PTPRM: variants seen among roughly 807,000 people sequenced by gnomAD.
The protein encoded by PTPRM is receptor-type tyrosine-protein phosphatase mu.
PTPRM carries 47 observed loss-of-function variants against 186.7 expected under a neutral mutation model. The observed-to-expected ratio is 0.25, with a 90% CI of 0.20 to 0.32. The LOEUF (loss-of-function observed/expected upper bound fraction) is 0.32. PTPRM is among the 10% of genes least tolerant of loss of function. PTPRM has a pLI of 1.00. For missense variants in PTPRM, 1,494 were observed against 1,865.0 expected, an observed-to-expected ratio of 0.80 and a Z score of 3.66; for synonymous variants, 668 against 674.9, an observed-to-expected ratio of 0.99 and a Z score of 0.16.
At chr18:8,242,027 G>A (rs1050468395) in intron 14 of PTPRM, among the ~76,000 whole-genome samples, 4 of 152,064 alleles carry the variant, frequency 2.6e-5, no homozygotes, top group African/African-American at 9.7e-5. Context: ...TCCAGTACAA[G>A]CATAGCTTTT....
At chr18:8,303,406 G>T (rs555872660) in intron 20 of PTPRM, among the ~76,000 whole-genome samples, 4 of 152,244 alleles carry the variant, frequency 2.6e-5, no homozygotes, top group Admixed American at 2.6e-4. Flanking sequence ...CACATTGAAG[G>T]CTTCACTTTT....
intron 14 of PTPRM, among the ~76,000 whole-genome samples, chr18:8,187,380 C>A (rs1200420044): frequency 6.6e-6 from 1 of 152,090 alleles, no homozygotes; most frequent in Non-Finnish European, 1.5e-5. Flanking sequence ...TGGAGAAAGG[C>A]CAGCAAGAGA....
At chr18:7,848,589 C>T (rs1024364276) in intron 2 of PTPRM, among the ~76,000 whole-genome samples, 17 of 151,896 alleles carry the variant, frequency 1.1e-4, no homozygotes, top group African/African-American at 2.9e-4. Flanking sequence ...CTGTGCAACA[C>T]GGTGAAACCC....
intron 1 of PTPRM, among the ~76,000 whole-genome samples, chr18:7,606,611 C>T (rs960023292): frequency 6.6e-6 from 1 of 152,064 alleles, no homozygotes; most frequent in Non-Finnish European, 1.5e-5. Context: ...ATATACTGCA[C>T]ATTAGATAGA....
chr18:8,096,846 T>C (rs560279874), intron 11 of PTPRM, among the ~76,000 whole-genome samples: 182 of 152,304 alleles, frequency 1.2e-3, no homozygotes, highest in African/African-American at 4.1e-3. Context: ...CTTTCACATA[T>C]GTGAAATGTG....
intron 2 of PTPRM, among the ~76,000 whole-genome samples, chr18:7,833,672 T>A (rs1282195064): frequency 6.7e-6 from 1 of 150,290 alleles, no homozygotes; most frequent in Non-Finnish European, 1.5e-5. Flanking sequence ...AGGTGGAGGT[T>A]ACAGTGAGCC....
chr18:7,837,794 C>T (rs1200516301), intron 2 of PTPRM, among the ~76,000 whole-genome samples: 1 of 152,168 alleles, frequency 6.6e-6, no homozygotes. Flanking sequence ...GAATTGGTCC[C>T]TGGTGACTTA....
intron 4 of PTPRM, among the ~76,000 whole-genome samples, chr18:7,913,934 G>A (rs1336297897): frequency 6.6e-6 from 1 of 152,090 alleles, no homozygotes; most frequent in Non-Finnish European, 1.5e-5. Context: ...AAATAAGTCA[G>A]CAATTTCTTT....
intron 14 of PTPRM, among the ~76,000 whole-genome samples, chr18:8,214,482 A>G (rs989801817): frequency 1.3e-5 from 2 of 152,138 alleles, no homozygotes; most frequent in African/African-American, 4.8e-5. Context: ...GATGGCAAAG[A>G]ACATTTAGGT....
At chr18:7,998,466 T>C (rs1411802653) in intron 7 of PTPRM, among the ~76,000 whole-genome samples, 2 of 152,186 alleles carry the variant, frequency 1.3e-5, no homozygotes, top group African/African-American at 2.4e-5. Context: ...TCCACAATTA[T>C]GTGAAATTTT....
intron 14 of PTPRM, among the ~76,000 whole-genome samples, chr18:8,225,518 T>C (rs78125933): frequency 0.013 from 1,913 of 152,278 alleles, 33 homozygotes; most frequent in African/African-American, 0.043. Context: ...CCCTGGTTTC[T>C]TTTACTGGAA....
intron 2 of PTPRM, among the ~76,000 whole-genome samples, chr18:7,886,981 A>G (rs1567969110): frequency 6.6e-6 from 1 of 152,214 alleles, no homozygotes; most frequent in Non-Finnish European, 1.5e-5. Flanking sequence ...AGTACCGTGT[A>G]TGTGTGTGTT....
At chr18:8,279,620 G>A (rs557194556) in intron 19 of PTPRM, among the ~76,000 whole-genome samples, 288 of 152,280 alleles carry the variant, frequency 1.9e-3, no homozygotes, top group Admixed American at 2.5e-3. Context: ...GAGACAGAAC[G>A]TCTCCCTGCT....
At chr18:7,578,966 A>G (rs1027445510) in intron 1 of PTPRM, among the ~76,000 whole-genome samples, 10 of 152,134 alleles carry the variant, frequency 6.6e-5, no homozygotes, top group African/African-American at 2.4e-4. Context: ...AAAGTGTTGA[A>G]TATTGGCAAT....
intron 2 of PTPRM, among the ~76,000 whole-genome samples, chr18:7,825,217 T>A (rs2045419423): frequency 6.6e-6 from 1 of 152,138 alleles, no homozygotes; most frequent in South Asian, 2.1e-4. Context: ...AGGCCCTGGT[T>A]CCCAAACTGT....
chr18:8,109,093 T>C (rs1319817870), intron 11 of PTPRM, among the ~76,000 whole-genome samples: 3 of 152,208 alleles, frequency 2.0e-5, no homozygotes, highest in Non-Finnish European at 4.4e-5. Context: ...TGATTGTGGA[T>C]GGAAAAATTT....
chr18:8,380,671 G>A (rs553328696), intron 29 of PTPRM, among the ~76,000 whole-genome samples: 4 of 152,280 alleles, frequency 2.6e-5, no homozygotes, highest in South Asian at 2.1e-4. Flanking sequence ...GGCAAGACAC[G>A]GCCAGAAGTT....
At chr18:8,320,850 C>T (rs2095341426) in intron 22 of PTPRM, among the ~76,000 whole-genome samples, 1 of 152,196 alleles carries the variant, frequency 6.6e-6, no homozygotes, top group Non-Finnish European at 1.5e-5. Context: ...GGTCACTTTG[C>T]TAGCTAGATG....
chr18:8,194,925 A>G (rs938096129), intron 14 of PTPRM, among the ~76,000 whole-genome samples: 1 of 152,046 alleles, frequency 6.6e-6, no homozygotes, highest in Admixed American at 6.6e-5. Context: ...GGGCATACAA[A>G]CGTTTCTTCT....
Sources: allele counts gnomAD v4.1 joint callset (sites outside exome capture counted in the v4.1 genomes callset), GRCh38; gene constraint gnomAD v4.1.1; transcripts MANE v1.5; gene names NCBI Gene and HGNC (gene_info 2026-07-23, HGNC 2026-07-21).